Variants in EYS observed in about 807,000 individuals in gnomAD.
The protein encoded by EYS is EGF-like photoreceptor maintenance factor, also known as protein eyes shut homolog.
A neutral mutation model predicts 282.1 loss-of-function variants in EYS; 250 were observed. The ratio of observed to expected loss-of-function variants is 0.89; its 90% CI spans 0.80 to 0.98. The LOEUF (loss-of-function observed/expected upper bound fraction) is 0.98. EYS is among the 50% of genes least tolerant of loss of function. The pLI, the probability that EYS is intolerant of heterozygous loss-of-function variation, is 0.00. For missense variants in EYS, 4,016 were observed against 3,709.0 expected (o/e 1.08, Z -2.15); for synonymous variants, 1,355 against 1,282.9 (o/e 1.06, Z -1.20).
Position 65,519,706 on chromosome 6 carries a change from A to AT in EYS, c.-332-23714dup, listed in dbSNP as rs1418670707. Among the ~76,000 whole-genome samples the AT allele has an allele frequency of 6.2e-3, 226 of 36,566 alleles. 1 individual carries two copies. Among genetic ancestry groups the AT allele is most frequent in the South Asian group, 0.025 (17 of 690 alleles). 24.0% of individuals were successfully genotyped at this position (36,566 alleles called of 152,430 possible). On this transcript the variant is annotated intron_variant, in intron 2 of 42. Transcript: ENST00000503581. ...AATAACTATATATATATATATATAT[A>AT]TATTTTTTTTTTTTTTTTTTTTTTT... is the stretch of plus-strand genomic sequence containing the variant.
chr6:65,037,878 T>C (rs1300366097), intron 13 of EYS, among the ~76,000 whole-genome samples: 1 of 151,742 alleles, frequency 6.6e-6, no homozygotes, highest in East Asian at 1.9e-4. Context: ...TCTATGCCTG[T>C]GTATTAAAAA....
At chr6:64,891,123 A>G (rs1330170388) in intron 18 of EYS, among the ~76,000 whole-genome samples, 1 of 151,886 alleles carries the variant, frequency 6.6e-6, no homozygotes, top group East Asian at 1.9e-4. Context: ...TCTAGAGTCC[A>G]TTTGGACATT....
At chr6:63,973,617 A>T (rs1766693944) in intron 35 of EYS, among the ~76,000 whole-genome samples, 1 of 152,196 alleles carries the variant, frequency 6.6e-6, no homozygotes, top group African/African-American at 2.4e-5. Flanking sequence ...AAGTAGTAAC[A>T]TCATTTTAAG....
At chr6:65,606,867 T>C (rs1431694614) in intron 2 of EYS, among the ~76,000 whole-genome samples, 1 of 113,060 alleles carries the variant, frequency 8.8e-6, no homozygotes, top group Non-Finnish European at 1.8e-5. Flanking sequence ...CTGAGTTGAA[T>C]TAGTCTCTTC....
intron 1 of EYS, among the ~76,000 whole-genome samples, chr6:65,642,775 A>T (rs752567399): frequency 1.3e-5 from 2 of 152,246 alleles, no homozygotes; most frequent in Non-Finnish European, 2.9e-5. Flanking sequence ...GATATTTTAA[A>T]ATATATCTTA....
At chr6:64,766,618 T>A (rs1009018364) in intron 22 of EYS, among the ~76,000 whole-genome samples, 1 of 47,502 alleles carries the variant, frequency 2.1e-5, no homozygotes, top group Admixed American at 3.3e-4. Context: ...GGTGACGGAG[T>A]GAAACTCCGT....
chr6:64,083,042 G>A (rs774800082), intron 31 of EYS, among the ~76,000 whole-genome samples: 2 of 151,644 alleles, frequency 1.3e-5, no homozygotes, highest in Non-Finnish European at 2.9e-5. Flanking sequence ...TGAAGTAATT[G>A]GGACTACAGG....
chr6:65,248,462 C>T (rs1170173387), intron 12 of EYS, among the ~76,000 whole-genome samples: 1 of 151,948 alleles, frequency 6.6e-6, no homozygotes, highest in African/African-American at 2.4e-5. Flanking sequence ...GTCATATTTT[C>T]CCCACAGTGA....
intron 31 of EYS, among the ~76,000 whole-genome samples, chr6:64,189,779 T>G (rs35393694): frequency 6.6e-6 from 1 of 151,950 alleles, no homozygotes; most frequent in Admixed American, 6.6e-5. Context: ...ATTTTAGACT[T>G]GCCAGCCCCC....
At chr6:63,937,340 C>CTTT (rs1457486534) in intron 35 of EYS, among the ~76,000 whole-genome samples, 5 of 46,086 alleles carry the variant, frequency 1.1e-4, no homozygotes, top group Admixed American at 5.7e-4. Context: ...AGGCTTCTCT[C>CTTT]TTTTCTTTTT....
At chr6:64,687,289 T>G (rs1032285419) in intron 22 of EYS, among the ~76,000 whole-genome samples, 2 of 152,122 alleles carry the variant, frequency 1.3e-5, no homozygotes, top group Admixed American at 6.6e-5. Context: ...TAAAAATTAT[T>G]ATATTAGAAA....
rs1764460027 is a variant in EYS at position 65,571,043 on chromosome 6, G to A, written c.-333+68735C>T. 1.3e-5 allele frequency among the ~76,000 whole-genome samples: 2 copies of A among 152,006 alleles called. 1 individual carries two copies. The highest frequency in any genetic ancestry group is 4.2e-4 in the South Asian group (2 of 4,814). Reference sequence around the variant, plus strand: ...ATAAATACTGAATAATTGCTTTGGTGGGGCGGGAGAATATATATTACACAT... The same window carrying A: ...ATAAATACTGAATAATTGCTTTGGTAGGGCGGGAGAATATATATTACACAT... On this transcript the variant is annotated intron_variant, in intron 2 of 42. Coordinates refer to ENST00000503581, the MANE Select transcript of EYS (RefSeq NM_001142800.2).
chr6:65,430,643 G>A (rs1044843010), intron 5 of EYS, among the ~76,000 whole-genome samples: 1 of 152,178 alleles, frequency 6.6e-6, no homozygotes, highest in Non-Finnish European at 1.5e-5. Flanking sequence ...TGCTTGAGCA[G>A]AGGAGAGAAA....
At chr6:65,363,983 C>G (rs184351685) in intron 8 of EYS, among the ~76,000 whole-genome samples, 1 of 151,282 alleles carries the variant, frequency 6.6e-6, no homozygotes, top group East Asian at 2.0e-4. Context: ...ACAATAATAT[C>G]TTAATTATTG....
chr6:65,329,790 T>C, intron 11 of EYS: 2 of 979,168 alleles, frequency 2.0e-6, no homozygotes, highest in Non-Finnish European at 2.4e-6. Context: ...GGTCAAATTA[T>C]ACTATACTTT....
chr6:64,902,957 T>A (rs1012265226), intron 16 of EYS, among the ~76,000 whole-genome samples: 1 of 152,010 alleles, frequency 6.6e-6, no homozygotes, highest in African/African-American at 2.4e-5. Context: ...AGAAAACAAA[T>A]TATTTTGATT....
chr6:65,584,774 T>C (rs1156566191), intron 2 of EYS, among the ~76,000 whole-genome samples: 1 of 151,664 alleles, frequency 6.6e-6, no homozygotes, highest in East Asian at 1.9e-4. Context: ...ATCTTTATAA[T>C]CCATTTAAAT....
At chr6:64,420,361 C>T (rs1047814423) in intron 28 of EYS, among the ~76,000 whole-genome samples, 3 of 152,158 alleles carry the variant, frequency 2.0e-5, no homozygotes, top group African/African-American at 2.4e-5. Context: ...GGAGGACCTG[C>T]TGTGAAGGTC....
intron 35 of EYS, among the ~76,000 whole-genome samples, chr6:63,954,202 T>C (rs894219165): frequency 6.6e-6 from 1 of 152,190 alleles, no homozygotes; most frequent in African/African-American, 2.4e-5. Context: ...TATTTCCTTC[T>C]TTCCTTTTCC....
Sources: allele counts gnomAD v4.1 joint callset (sites outside exome capture counted in the v4.1 genomes callset), GRCh38; gene constraint gnomAD v4.1.1; transcripts MANE v1.5; gene names NCBI Gene and HGNC (gene_info 2026-07-23, HGNC 2026-07-21).